The following TLN2 variants were observed in gnomAD, a reference collection of about 807,000 sequenced individuals.
TLN2 encodes talin 2, also known as talin-2.
TLN2 carries 118 observed loss-of-function variants against 294.7 expected under a neutral mutation model. The ratio of observed to expected loss-of-function variants is 0.40; its 90% confidence interval spans 0.34 to 0.47. The LOEUF is 0.47. TLN2 is among the 20% of genes least tolerant of loss of function. The pLI is 0.84. For synonymous variants in TLN2, 1,431 were observed against 1,304.5 expected (o/e 1.10, Z -2.09); for missense variants, 3,083 against 3,282.2 (o/e 0.94, Z 1.48).
intron 3 of TLN2, among the ~76,000 whole-genome samples, chr15:62,642,684 T>C (rs529383765): frequency 6.7e-6 from 1 of 148,530 alleles, no homozygotes; most frequent in African/African-American, 2.6e-5. Context: ...TTGTTTTTGT[T>C]TGTTTGTTTG....
intron 41 of TLN2, 66 bp downstream of exon 41, chr15:62,766,488 C>A: frequency 1.4e-6 from 2 of 1,458,264 alleles, no homozygotes; most frequent in Non-Finnish European, 1.9e-6. Context: ...GTTTTATTGA[C>A]TTTACTGTTA....
chr15:62,638,245 C>A, intron 3 of TLN2: 1 of 320,386 alleles, frequency 3.1e-6, no homozygotes, highest in Non-Finnish European at 6.1e-6. Flanking sequence ...ACCCCTTCCT[C>A]AGCAGAATTT....
chr15:62,703,269 A>G (rs2058829864), intron 19 of TLN2, among the ~76,000 whole-genome samples: 1 of 151,756 alleles, frequency 6.6e-6, no homozygotes. Context: ...TGCCCGGCTA[A>G]TTTTTGTATT....
At chr15:62,798,846 T>C (rs2065714938) in intron 48 of TLN2, among the ~76,000 whole-genome samples, 1 of 152,238 alleles carries the variant, frequency 6.6e-6, no homozygotes, top group Admixed American at 6.5e-5. Flanking sequence ...CTGTTGGATT[T>C]CTGATAACAT....
At chr15:62,566,939 G>A (rs1266837348) in intron 1 of TLN2, among the ~76,000 whole-genome samples, 13 of 151,972 alleles carry the variant, frequency 8.6e-5, no homozygotes, top group Non-Finnish European at 2.9e-5. Context: ...GAATTAGAAA[G>A]TAAAAGCAAA....
At chr15:62,689,935 AC>A (rs556352409) in intron 12 of TLN2, among the ~76,000 whole-genome samples, 4 of 5,062 alleles carry the variant, frequency 7.9e-4, no homozygotes, top group South Asian at 8.9e-3. Flanking sequence ...CGGGGGGCTG[AC>A]CCCCCCCACC....
intron 1 of TLN2, among the ~76,000 whole-genome samples, chr15:62,471,285 C>T (rs899802213): frequency 1.3e-5 from 2 of 152,172 alleles, no homozygotes; most frequent in African/African-American, 4.8e-5. Flanking sequence ...GTCGAGGCTG[C>T]AGTGAGCCGA....
rs201934193 is a variant in TLN2, at chr15:62,447,153, A to ATATTTATT, written c.-238+56478_-238+56485dup. Reference sequence around the variant, plus strand: ...TTCCCAGACTTTGTTCAAGAAGCCTATATTTATTTATTTATTTGTTTATTT... The same window carrying ATATTTATT: ...TTCCCAGACTTTGTTCAAGAAGCCTATATTTATTTATTTATTTATTTATTTGTTTATTT... On this transcript the variant is annotated intron_variant, in intron 1 of 58. Transcript: ENST00000636159. Among the ~76,000 whole-genome samples the ATATTTATT allele has an allele frequency of 2.9e-3, 238 of 82,528 alleles. 2 individuals are homozygous for ATATTTATT. Among genetic ancestry groups the ATATTTATT allele is most frequent in the African/African-American group, 6.7e-3 (190 of 28,388 alleles). The allele number at this position is 82,528 out of a possible 152,430, so 54.1% of individuals were successfully genotyped here. A position where few individuals can be genotyped will look rare whatever the true frequency, so the allele number is the denominator to read the frequency against.
intron 15 of TLN2, among the ~76,000 whole-genome samples, chr15:62,698,113 T>G (rs1341329294): frequency 6.6e-6 from 1 of 152,176 alleles, no homozygotes; most frequent in Non-Finnish European, 1.5e-5. Flanking sequence ...GGGACAGAAC[T>G]CTGCTCCCGT....
At chr15:62,788,095 G>A (rs1257609444) in intron 45 of TLN2, among the ~76,000 whole-genome samples, 1 of 150,876 alleles carries the variant, frequency 6.6e-6, no homozygotes. Context: ...TGGATCACTT[G>A]AGGCCAGGAG....
intron 1 of TLN2, among the ~76,000 whole-genome samples, chr15:62,553,074 G>C (rs1032397604): frequency 2.0e-5 from 3 of 152,136 alleles, no homozygotes; most frequent in African/African-American, 7.2e-5. Context: ...ATAAATAATT[G>C]CTGAGTCAAA....
chr15:62,421,954 T>C (rs761153063), intron 1 of TLN2, among the ~76,000 whole-genome samples: 1 of 152,052 alleles, frequency 6.6e-6, no homozygotes, highest in Non-Finnish European at 1.5e-5. Context: ...TAGGGAATCA[T>C]TCTTTGTGTC....
chr15:62,594,087 A>G (rs1211788423), intron 2 of TLN2, among the ~76,000 whole-genome samples: 1 of 152,270 alleles, frequency 6.6e-6, no homozygotes, highest in Non-Finnish European at 1.5e-5. Context: ...AAAATATGCT[A>G]CAAAGTGATA....
At chr15:62,643,197 ATATCT>A (rs1208927647) in intron 3 of TLN2, among the ~76,000 whole-genome samples, 1 of 152,168 alleles carries the variant, frequency 6.6e-6, no homozygotes, top group Non-Finnish European at 1.5e-5. Flanking sequence ...AATAATTAAA[ATATCT>A]TGTCTTTAAA....
intron 39 of TLN2, among the ~76,000 whole-genome samples, chr15:62,762,807 A>G (rs932048509): frequency 6.6e-6 from 1 of 152,214 alleles, no homozygotes; most frequent in African/African-American, 2.4e-5. Flanking sequence ...TCACTGTACT[A>G]CATTGTCCGT....
chr15:62,617,122 G>A (rs1294506377), intron 2 of TLN2, among the ~76,000 whole-genome samples: 2 of 152,108 alleles, frequency 1.3e-5, no homozygotes, highest in African/African-American at 2.4e-5. Context: ...TGGACTGTCC[G>A]TTAAAAATCA....
At chr15:62,544,886 T>A (rs2041903839) in intron 1 of TLN2, among the ~76,000 whole-genome samples, 1 of 152,156 alleles carries the variant, frequency 6.6e-6, no homozygotes, top group Non-Finnish European at 1.5e-5. Flanking sequence ...ACATTGATTG[T>A]GTTAATAACC....
chr15:62,653,390 G>T, intron 7 of TLN2, 76 bp downstream of exon 7: 1 of 1,480,510 alleles, frequency 6.8e-7, no homozygotes, highest in South Asian at 1.5e-5. Context: ...CCATCCATAT[G>T]ACCCAGGACA....
chr15:62,813,393 T>C (rs751057203), intron 52 of TLN2, among the ~76,000 whole-genome samples: 7 of 152,198 alleles, frequency 4.6e-5, no homozygotes, highest in Non-Finnish European at 8.8e-5. Context: ...AGGTTTAGGG[T>C]AGTTGGTACT....
Sources: gnomAD v4.1 joint callset for allele counts (sites outside exome capture counted in the v4.1 genomes callset) on GRCh38, gnomAD v4.1.1 for gene constraint, MANE v1.5 for transcripts, NCBI Gene and HGNC (gene_info 2026-07-23, HGNC 2026-07-21) for gene names.